The following IFT140 variants were observed in gnomAD, a reference collection of about 807,000 sequenced individuals.
The protein encoded by IFT140 is intraflagellar transport protein 140 homolog.
A neutral mutation model predicts 164.6 loss-of-function variants in IFT140; 133 were observed. The observed-to-expected ratio is 0.81, with a 90% CI of 0.70 to 0.93. The LOEUF (loss-of-function observed/expected upper bound fraction) is 0.93, where lower values mean the gene tolerates loss of function less well. Among genes scored for constraint, IFT140 ranks in the 40% least tolerant of loss-of-function variants. IFT140 has a pLI of 0.00. For synonymous variants in IFT140, 860 were observed against 817.3 expected (o/e 1.05, Z -0.89); for missense variants, 2,045 against 1,972.3 (o/e 1.04, Z -0.70).
chr16:1,522,163 C>G (rs1319784420), intron 26 of IFT140, among the ~76,000 whole-genome samples: 1 of 152,070 alleles, frequency 6.6e-6, no homozygotes, highest in African/African-American at 2.4e-5. Flanking sequence ...TCGAGACCAT[C>G]CTGGCCAACA....
intron 19 of IFT140, among the ~76,000 whole-genome samples, chr16:1,535,814 C>A (rs1567342140): frequency 6.6e-6 from 1 of 152,246 alleles, no homozygotes. Context: ...CCAGCAGGGA[C>A]CAACAGCCGT....
In IFT140 at chr16:1,511,040, C is replaced by G; in HGVS notation, c.4293G>C (p.Leu1431=). 1 of 1,606,004 alleles carries G rather than the reference C, an allele frequency of 6.2e-7. No homozygotes were observed. The highest frequency in any genetic ancestry group is 8.5e-7 in the Non-Finnish European group (1 of 1,176,084). ...DAVHRGLGLP[L]PRTVPEQVRH... Reference sequence around the variant, plus strand: ...GGACCTGCTCGGGGACGGTGCGTGGCAGTGGGAGACCCAGCCCCCGGTGCA... The same window carrying G: ...GGACCTGCTCGGGGACGGTGCGTGGGAGTGGGAGACCCAGCCCCCGGTGCA... The change falls in exon 31 of 31, where the codon CTG becomes CTC. Residue 1431 remains leucine, a synonymous_variant. Coordinates refer to ENST00000426508, the MANE Select transcript of IFT140 (RefSeq NM_014714.4).
chr16:1,578,497 T>G (rs1421645690), intron 13 of IFT140: 1 of 151,324 alleles, frequency 6.6e-6, no homozygotes, highest in African/African-American at 2.4e-5. Flanking sequence ...TAGTCCCAGA[T>G]GCTTGCAGGG....
intron 14 of IFT140, among the ~76,000 whole-genome samples, chr16:1,569,057 T>G (rs1456737772): frequency 2.0e-5 from 3 of 147,572 alleles, no homozygotes; most frequent in Non-Finnish European, 3.0e-5. Flanking sequence ...CAGGCTGGAG[T>G]GCAGTGGCGC....
intron 19 of IFT140, chr16:1,541,293 G>T (rs562041750): frequency 3.0e-4 from 296 of 985,092 alleles, no homozygotes; most frequent in Admixed American, 7.4e-4. Flanking sequence ...GGGGGCAGGT[G>T]GGGGGCACTG....
chr16:1,601,811 C>G (rs1014593735), intron 4 of IFT140, among the ~76,000 whole-genome samples: 4 of 152,206 alleles, frequency 2.6e-5, no homozygotes, highest in Non-Finnish European at 5.9e-5. Flanking sequence ...GCCTGTTACC[C>G]TTTTTGAATC....
At chr16:1,512,666 G>A (rs1350538208) in intron 30 of IFT140, among the ~76,000 whole-genome samples, 1 of 152,182 alleles carries the variant, frequency 6.6e-6, no homozygotes, top group African/African-American at 2.4e-5. Flanking sequence ...CCCCGTTGGA[G>A]CAGGGCGCGG....
chr16:1,522,350 C>G (rs965792427), intron 26 of IFT140, among the ~76,000 whole-genome samples: 5 of 151,848 alleles, frequency 3.3e-5, no homozygotes, highest in Non-Finnish European at 5.9e-5. Context: ...GAGAGAGACT[C>G]TGTCTCAAAA....
chr16:1,547,050 T>TC (rs2032235926), intron 19 of IFT140, among the ~76,000 whole-genome samples: 1 of 152,192 alleles, frequency 6.6e-6, no homozygotes, highest in Non-Finnish European at 1.5e-5. Flanking sequence ...TAGCTGGGTT[T>TC]CCCCTTGTTT....
At chr16:1,598,757 T>C (rs963101618) in intron 4 of IFT140, among the ~76,000 whole-genome samples, 3 of 152,242 alleles carry the variant, frequency 2.0e-5, no homozygotes, top group Non-Finnish European at 4.4e-5. Context: ...TTTCTAAATG[T>C]ACACAGGTGA....
At chr16:1,574,166 G>A (rs1055866153) in intron 13 of IFT140, among the ~76,000 whole-genome samples, 1 of 152,150 alleles carries the variant, frequency 6.6e-6, no homozygotes, top group Non-Finnish European at 1.5e-5. Context: ...CCCTCTTTTC[G>A]GCCTTAAAAA....
At chr16:1,583,063 C>A (rs2141795121) in intron 12 of IFT140, among the ~76,000 whole-genome samples, 1 of 152,302 alleles carries the variant, frequency 6.6e-6, no homozygotes, top group South Asian at 2.1e-4. Context: ...AGATGGGAGG[C>A]AGCCACCTCC....
chr16:1,541,195 C>T (rs1420054965), intron 19 of IFT140: 1 of 985,434 alleles, frequency 1.0e-6, no homozygotes, highest in Non-Finnish European at 1.2e-6. Flanking sequence ...TGGGCACAGG[C>T]CTGCTGTGAG....
intron 13 of IFT140, 142 bp from the exon 14 acceptor site, chr16:1,571,676 C>T (rs2034021378): frequency 2.3e-6 from 2 of 883,326 alleles, no homozygotes; most frequent in African/African-American, 1.7e-5. Context: ...ACACTCCACT[C>T]ATTCACTCGC....
intron 13 of IFT140, chr16:1,578,224 T>G (rs11644174): frequency 0.053 from 8,132 of 152,078 alleles, 443 homozygotes; most frequent in Admixed American, 0.17. Context: ...CACTTATCGC[T>G]GACTTGTCTC....
chr16:1,555,095 C>T, intron 19 of IFT140: 1 of 1,533,436 alleles, frequency 6.5e-7, no homozygotes, highest in South Asian at 1.2e-5. Flanking sequence ...CAAGGGACTC[C>T]ACCACCAAGT....
intron 18 of IFT140, among the ~76,000 whole-genome samples, chr16:1,561,230 G>A (rs2033390157): frequency 6.6e-5 from 10 of 152,224 alleles, no homozygotes; most frequent in Admixed American, 6.5e-4. Context: ...GGGCACACAT[G>A]GGCTGCTGTT....
At position 1,553,561 on chromosome 16, in the gene IFT140, T is replaced by A; in HGVS notation, c.2399+4374A>T. On this transcript the variant is annotated intron_variant, in intron 19 of 30. Transcript: ENST00000426508. The surrounding 1 kb of genome is among the most constrained non-coding windows in gnomAD (Gnocchi z 4.4). ...TATGGACAAGAGGGGCTGGAGAGTT[T>A]AATCTGGACCAGTGTAAGTTACAGA... 9.9e-7 allele frequency: 1 copy of A among 1,006,076 alleles called. No individual in the cohort carries two copies. Among genetic ancestry groups the A allele is most frequent in the Non-Finnish European group, 1.2e-6 (1 of 841,274 alleles). The allele number at this position is 1,006,076 out of a possible 1,614,324, so 62.3% of individuals were successfully genotyped here.
intron 19 of IFT140, chr16:1,540,879 C>T: frequency 1.0e-6 from 1 of 985,444 alleles, no homozygotes; most frequent in Non-Finnish European, 1.2e-6. Flanking sequence ...GGGGCTGTTG[C>T]TTCACATGCA....
Sources: allele counts gnomAD v4.1 joint callset (sites outside exome capture counted in the v4.1 genomes callset), GRCh38; gene constraint gnomAD v4.1.1; non-coding constraint Gnocchi (gnomAD v3.1); transcripts MANE v1.5; gene names NCBI Gene and HGNC (gene_info 2026-07-23, HGNC 2026-07-21).